Variants in QSOX2 observed in about 807,000 individuals in gnomAD.
QSOX2 encodes the protein quiescin sulfhydryl oxidase 2.
Under a neutral mutation model 61.7 loss-of-function variants are expected in QSOX2, and 46 were observed. The ratio of observed to expected loss-of-function variants is 0.75; its 90% CI spans 0.59 to 0.95. QSOX2 has a LOEUF of 0.95. Among genes scored for constraint, QSOX2 ranks in the 40% least tolerant of loss-of-function variants. QSOX2 has a pLI of 0.00. For synonymous variants in QSOX2, 383 were observed against 388.4 expected, an observed-to-expected ratio of 0.99 and a Z score of 0.16; for missense variants, 879 against 918.9, an observed-to-expected ratio of 0.96 and a Z score of 0.56.
intron 11 of QSOX2, 143 bp downstream of exon 11, chr9:136,211,121 G>C: frequency 1.1e-6 from 1 of 948,454 alleles, no homozygotes; most frequent in Admixed American, 2.8e-5. Context: ...AGCCACCCAA[G>C]TCCTGATCCC....
chr9:136,218,918 G>A (rs1831947407), intron 7 of QSOX2, 110 bp from the exon 8 acceptor site: 4 of 1,568,272 alleles, frequency 2.6e-6, no homozygotes, highest in Non-Finnish European at 3.5e-6. Flanking sequence ...GAGGGCTCCT[G>A]AGCGGCCCTC....
In QSOX2 at chr9:136,208,212, C is replaced by CCCG. The variant is rs994136290; in HGVS notation, c.*513_*515dup. On this transcript the variant is annotated 3_prime_UTR_variant, in exon 12 of 12. Transcript: ENST00000358701. ...GACTGCGCTTCCGGCTCTGTCTGTC[C>CCCG]CCGCCCGGCTAAAGGAAAACACTTG... 7.0e-6 allele frequency: 1 copy of CCCG among 143,004 alleles called. No homozygotes were observed. The highest frequency in any genetic ancestry group is 7.2e-5 in the Admixed American group (1 of 13,942). The allele number at this position is 143,004 out of a possible 1,614,324, so 8.9% of individuals were successfully genotyped here. A position where few individuals can be genotyped will look rare whatever the true frequency, so the allele number is the denominator to read the frequency against.
intron 8 of QSOX2, 43 bp from the exon 9 acceptor site, chr9:136,216,765 C>A: frequency 1.2e-6 from 2 of 1,606,972 alleles, no homozygotes; most frequent in South Asian, 1.1e-5. Flanking sequence ...GACCCAAACC[C>A]GGGCCCGCCC....
At chr9:136,229,953 T>G (rs1042103759) in intron 1 of QSOX2, among the ~76,000 whole-genome samples, 7 of 152,182 alleles carry the variant, frequency 4.6e-5, no homozygotes, top group African/African-American at 1.7e-4. Context: ...GCTTGGACAG[T>G]CTGGGCCCAG....
rs539564072 is a variant in QSOX2, at chr9:136,219,935, T to C, written c.822-771A>G. Among the ~76,000 whole-genome samples, 34 of 152,380 alleles carry C rather than the reference T, an allele frequency of 2.2e-4. No individual in the cohort carries two copies. The South Asian group carries it at 2.5e-3, about 11-fold the overall frequency. Reference sequence around the variant, plus strand: ...CCCAGGCCTGGAATGGGCCACCTCGTTGGCAGAGCCAGGCCCCCAAGCACT... The same window carrying C: ...CCCAGGCCTGGAATGGGCCACCTCGCTGGCAGAGCCAGGCCCCCAAGCACT... On this transcript the variant is annotated intron_variant, in intron 6 of 11. Transcript: ENST00000358701.
At chr9:136,218,455 T>C (rs866577510) in intron 8 of QSOX2, among the ~76,000 whole-genome samples, 4 of 151,976 alleles carry the variant, frequency 2.6e-5, no homozygotes, top group Admixed American at 2.0e-4. Flanking sequence ...CCCCCGCCCC[T>C]CTCTACACCC....
At chr9:136,218,502 G>A (rs377221391) in intron 8 of QSOX2, among the ~76,000 whole-genome samples, 177 bp downstream of exon 8, 10 of 152,258 alleles carry the variant, frequency 6.6e-5, no homozygotes, top group Admixed American at 3.3e-4. Flanking sequence ...AGCAGTGGAC[G>A]CAGGAGGCAC....
chr9:136,239,469 C>T (rs12551684), intron 1 of QSOX2, among the ~76,000 whole-genome samples: 15,014 of 152,330 alleles, frequency 0.099, 1,022 homozygotes, highest in Admixed American at 0.18. Context: ...TGTTGACTGT[C>T]TGCTACTCCC....
intron 2 of QSOX2, among the ~76,000 whole-genome samples, chr9:136,226,014 G>A (rs1324052563): frequency 6.6e-6 from 1 of 152,224 alleles, no homozygotes; most frequent in East Asian, 1.9e-4. Context: ...CGTGGCACCT[G>A]TTAGGGCAGG....
rs1053700101 is a variant in QSOX2 at position 136,221,344 on chromosome 9, G to T, written c.821+452C>A. Among the ~76,000 whole-genome samples, 4 of 152,240 alleles carry T rather than the reference G, an allele frequency of 2.6e-5. No individual in the cohort carries two copies. Among genetic ancestry groups the T allele is most frequent in the African/African-American group, 7.2e-5 (3 of 41,454 alleles). On this transcript the variant is annotated intron_variant, in intron 6 of 11. Transcript: ENST00000358701. The surrounding 1 kb of genome is among the most constrained non-coding windows in gnomAD (Gnocchi z 4.5). The stretch of plus-strand genomic sequence containing the variant: ...TTCTTAGAGAAAGAGCAGAACGTGA[G>T]GGGCAGGGCCTGGTGCCCACCCCTA...
chr9:136,220,480 G>C (rs539222776), intron 6 of QSOX2, among the ~76,000 whole-genome samples: 2 of 152,318 alleles, frequency 1.3e-5, no homozygotes, highest in Admixed American at 6.5e-5. Context: ...CCTGCACCTC[G>C]GAGCCCGGCG....
chr9:136,226,303 T>C (rs1332618346), intron 2 of QSOX2, among the ~76,000 whole-genome samples: 2 of 152,066 alleles, frequency 1.3e-5, no homozygotes, highest in Non-Finnish European at 2.9e-5. Context: ...GTGGGAGCAA[T>C]GGGCACAGCC....
At chr9:136,210,903 T>C (rs1021853278) in intron 11 of QSOX2, 5 of 985,162 alleles carry the variant, frequency 5.1e-6, no homozygotes, top group Non-Finnish European at 6.0e-6. Context: ...TCCATACTAC[T>C]AAAATTCCTC....
chr9:136,219,350 AGAG>A (rs1471469063), intron 6 of QSOX2, among the ~76,000 whole-genome samples, 186 bp from the exon 7 acceptor site: 1 of 152,192 alleles, frequency 6.6e-6, no homozygotes, highest in Non-Finnish European at 1.5e-5. Context: ...CTGGGGGATA[AGAG>A]GAGACACACC....
intron 1 of QSOX2, among the ~76,000 whole-genome samples, chr9:136,237,465 CGGCG>C (rs1278275516): frequency 3.2e-5 from 3 of 94,736 alleles, no homozygotes; most frequent in Non-Finnish European, 6.8e-5. Flanking sequence ...CATCCTGTGC[CGGCG>C]ACACCTGGAG....
intron 2 of QSOX2, among the ~76,000 whole-genome samples, chr9:136,225,746 G>A (rs539766606): frequency 2.0e-5 from 3 of 152,254 alleles, no homozygotes; most frequent in African/African-American, 4.8e-5. Flanking sequence ...ACCTGGCAAC[G>A]GGGGGCTCTG....
Position 136,221,395 on chromosome 9 carries a change from G to A in QSOX2, c.821+401C>T, listed in dbSNP as rs901640338. Among the ~76,000 whole-genome samples the A allele has an allele frequency of 2.6e-5, 4 of 152,228 alleles. No individual in the cohort carries two copies. The highest frequency in any genetic ancestry group is 9.6e-5 in the African/African-American group (4 of 41,462). On this transcript the variant is annotated intron_variant, in intron 6 of 11. Transcript: ENST00000358701. This position sits in a 1 kb window ranked among gnomAD's most constrained non-coding sequence, Gnocchi z 4.5. ...CTTCTCATTCTGCAGAGGTGGGCACGTGGGCTTGTCTGCCAGCCCCAGACA... is the reference window on the plus strand; with the variant it reads ...CTTCTCATTCTGCAGAGGTGGGCACATGGGCTTGTCTGCCAGCCCCAGACA...
chr9:136,245,360 A>C, intron 1 of QSOX2, 116 bp downstream of exon 1: 1 of 846,812 alleles, frequency 1.2e-6, no homozygotes, highest in Non-Finnish European at 1.8e-6. Flanking sequence ...GCTCTGCGGT[A>C]AGGAAAGAAA....
intron 1 of QSOX2, among the ~76,000 whole-genome samples, chr9:136,235,559 T>C (rs1830373718): frequency 6.6e-6 from 1 of 152,214 alleles, no homozygotes; most frequent in African/African-American, 2.4e-5. Flanking sequence ...CTTTGTTCTT[T>C]GTCTCAACAG....
Sources: allele counts gnomAD v4.1 joint callset (sites outside exome capture counted in the v4.1 genomes callset), GRCh38; gene constraint gnomAD v4.1.1; non-coding constraint Gnocchi (gnomAD v3.1); transcripts MANE v1.5; gene names NCBI Gene and HGNC (gene_info 2026-07-23, HGNC 2026-07-21).